Variants in DKK2 observed in about 807,000 individuals in gnomAD.
DKK2 encodes dickkopf-related protein 2.
DKK2 carries 11 observed loss-of-function variants against 28.1 expected under a neutral mutation model. The observed-to-expected ratio is 0.39, with a 90% CI of 0.25 to 0.65. The LOEUF (loss-of-function observed/expected upper bound fraction) is 0.65. Among genes scored for constraint, DKK2 ranks in the 30% least tolerant of loss-of-function variants. The pLI, the probability that DKK2 is intolerant of heterozygous loss-of-function variation, is 0.47. For missense variants in DKK2, 326 were observed against 335.5 expected, an observed-to-expected ratio of 0.97 and a Z score of 0.22; for synonymous variants, 135 against 126.5, an observed-to-expected ratio of 1.07 and a Z score of -0.45.
intron 1 of DKK2, among the ~76,000 whole-genome samples, chr4:106,958,223 A>G (rs142722499): frequency 1.3e-5 from 2 of 151,626 alleles, no homozygotes; most frequent in East Asian, 3.9e-4. Context: ...AATAAAAAAA[A>G]GCTATCCCAA....
intron 1 of DKK2, among the ~76,000 whole-genome samples, chr4:107,006,475 A>G (rs1359940055): frequency 2.0e-5 from 3 of 152,204 alleles, no homozygotes; most frequent in African/African-American, 7.2e-5. Context: ...CCTTCAGAAA[A>G]CAATCTTTTA....
At chr4:107,010,185 A>G (rs904149026) in intron 1 of DKK2, among the ~76,000 whole-genome samples, 1 of 151,728 alleles carries the variant, frequency 6.6e-6, no homozygotes, top group African/African-American at 2.4e-5. Context: ...ATTTATACTC[A>G]TAGTATGTGA....
rs60050671 is a variant in DKK2, at chr4:106,948,383, C to G, written c.223-22434G>C. Reference sequence around the variant, plus strand: ...TCCAGAGACCACACTCTGGGAACCACTGCACCACATTGAATTTCCCATTCC... The same window carrying G: ...TCCAGAGACCACACTCTGGGAACCAGTGCACCACATTGAATTTCCCATTCC... On this transcript the variant is annotated intron_variant, in intron 1 of 3. Coordinates refer to ENST00000285311, the MANE Select transcript of DKK2 (RefSeq NM_014421.3). Among the ~76,000 whole-genome samples, 1,435 of 152,280 alleles carry G rather than the reference C, an allele frequency of 9.4e-3. 15 individuals are homozygous for G. The highest frequency in any genetic ancestry group is 0.033 in the African/African-American group (1,369 of 41,562).
At chr4:106,963,127 G>A (rs1484536136) in intron 1 of DKK2, among the ~76,000 whole-genome samples, 2 of 151,884 alleles carry the variant, frequency 1.3e-5, no homozygotes, top group African/African-American at 4.8e-5. Flanking sequence ...GGCTGAGGCG[G>A]GCGGATCACT....
chr4:106,956,976 T>C (rs1340943800), intron 1 of DKK2, among the ~76,000 whole-genome samples: 15 of 151,556 alleles, frequency 9.9e-5, no homozygotes, highest in African/African-American at 2.9e-4. Flanking sequence ...ACCTACAAAA[T>C]GGGAGAAAAT....
intron 1 of DKK2, among the ~76,000 whole-genome samples, chr4:106,978,715 C>A (rs1364798543): frequency 6.6e-6 from 1 of 152,124 alleles, no homozygotes; most frequent in East Asian, 1.9e-4. Flanking sequence ...CCATTTGGCT[C>A]CCTGGCTTCA....
chr4:107,013,610 G>C (rs1197386805), intron 1 of DKK2, among the ~76,000 whole-genome samples: 1 of 151,362 alleles, frequency 6.6e-6, no homozygotes, highest in Non-Finnish European at 1.5e-5. Context: ...CAGGAGAAAT[G>C]CTTTATGACA....
At chr4:106,962,646 A>G (rs954387835) in intron 1 of DKK2, among the ~76,000 whole-genome samples, 12 of 152,006 alleles carry the variant, frequency 7.9e-5, no homozygotes, top group Non-Finnish European at 1.8e-4. Flanking sequence ...ACCTGAAACT[A>G]TAAACTACTG....
chr4:106,933,669 A>G (rs889209540), intron 1 of DKK2, among the ~76,000 whole-genome samples: 3 of 152,158 alleles, frequency 2.0e-5, no homozygotes, highest in Admixed American at 2.0e-4. Flanking sequence ...CATATCAAGT[A>G]TGATAAATAG....
chr4:107,006,698 T>A (rs1383921753), intron 1 of DKK2, among the ~76,000 whole-genome samples: 1 of 152,186 alleles, frequency 6.6e-6, no homozygotes, highest in Non-Finnish European at 1.5e-5. Context: ...CTAACTCAAG[T>A]GAAAGACAAG....
chr4:107,029,743 TA>T (rs1195158375), intron 1 of DKK2, among the ~76,000 whole-genome samples: 1 of 152,136 alleles, frequency 6.6e-6, no homozygotes, highest in African/African-American at 2.4e-5. Context: ...GTGATATTTT[TA>T]TTTGTTTTGT....
intron 1 of DKK2, among the ~76,000 whole-genome samples, chr4:106,955,661 G>T (rs1722579873): frequency 6.6e-6 from 1 of 151,864 alleles, no homozygotes. Flanking sequence ...GGAAACCTTT[G>T]GCAAAATTGC....
At chr4:107,010,088 G>T (rs1262189427) in intron 1 of DKK2, among the ~76,000 whole-genome samples, 2 of 151,686 alleles carry the variant, frequency 1.3e-5, no homozygotes, top group Non-Finnish European at 3.0e-5. Flanking sequence ...AAAATTGTGG[G>T]TTTTTTCCTT....
rs1387840459 is a variant in DKK2 at position 106,922,473 on chromosome 4, C to T, written c.*1481G>A. 6.6e-6 allele frequency: 1 copy of T among 152,176 alleles called. No individual in the cohort carries two copies. Among genetic ancestry groups the T allele is most frequent in the African/African-American group, 2.4e-5 (1 of 41,454 alleles). The allele number at this position is 152,176 out of a possible 1,614,324, so 9.4% of individuals were successfully genotyped here. ...ATAGATTAGCAATATGCAGGTTTTA[C>T]AAGTTATCCTACTTATATTTTTTAA... On this transcript the variant is annotated 3_prime_UTR_variant, in exon 4 of 4. Coordinates refer to ENST00000285311, the MANE Select transcript of DKK2 (RefSeq NM_014421.3).
intron 1 of DKK2, among the ~76,000 whole-genome samples, chr4:107,000,508 T>A (rs1425170307): frequency 6.6e-6 from 1 of 152,204 alleles, no homozygotes; most frequent in South Asian, 2.1e-4. Context: ...AATTTAAACC[T>A]GCATATTTCA....
At chr4:106,939,501 A>G (rs1299651030) in intron 1 of DKK2, among the ~76,000 whole-genome samples, 2 of 152,232 alleles carry the variant, frequency 1.3e-5, no homozygotes, top group South Asian at 2.1e-4. Flanking sequence ...CATGGGTAGG[A>G]AGAATCAATA....
intron 1 of DKK2, among the ~76,000 whole-genome samples, chr4:107,015,851 G>C (rs147513945): frequency 4.6e-5 from 7 of 151,708 alleles, no homozygotes; most frequent in African/African-American, 1.7e-4. Context: ...CTGAAATTTA[G>C]GCAAAAGCAG....
chr4:106,940,786 AG>A (rs1316372005), intron 1 of DKK2, among the ~76,000 whole-genome samples: 1 of 152,218 alleles, frequency 6.6e-6, no homozygotes, highest in African/African-American at 2.4e-5. Context: ...GCCATAAAAA[AG>A]GATGGGTTCA....
chr4:106,942,158 G>A (rs753030080), intron 1 of DKK2, among the ~76,000 whole-genome samples: 5 of 152,040 alleles, frequency 3.3e-5, no homozygotes, highest in Non-Finnish European at 5.9e-5. Context: ...TGACCCTAGT[G>A]TTCAAATCTC....
Sources: gnomAD v4.1 joint callset for allele counts (sites outside exome capture counted in the v4.1 genomes callset) on GRCh38, gnomAD v4.1.1 for gene constraint, MANE v1.5 for transcripts, NCBI Gene and HGNC (gene_info 2026-07-23, HGNC 2026-07-21) for gene names.